Variants in KDM5A observed in about 807,000 individuals in gnomAD.
KDM5A encodes lysine-specific demethylase 5A.
A neutral mutation model predicts 193.5 loss-of-function variants in KDM5A; 42 were observed. That is an observed-to-expected ratio of 0.22 (90% CI 0.17 to 0.28). The LOEUF is 0.28. KDM5A is among the 10% of genes least tolerant of loss of function. KDM5A has a pLI of 1.00. For synonymous variants in KDM5A, 796 were observed against 718.1 expected, an observed-to-expected ratio of 1.11 and a Z score of -1.73; for missense variants, 1,692 against 2,055.1, an observed-to-expected ratio of 0.82 and a Z score of 3.42.
chr12:323,229 A>G (rs748317556), intron 15 of KDM5A, 23 bp from the exon 16 acceptor site: 20,371 of 1,494,898 alleles, frequency 0.014, 642 homozygotes, highest in South Asian at 0.12. Flanking sequence ...AAAAAAAAAA[A>G]AAAAAAAAAA....
intron 27 of KDM5A, among the ~76,000 whole-genome samples, chr12:291,335 T>C (rs866481465): frequency 2.6e-5 from 4 of 152,226 alleles, no homozygotes; most frequent in Admixed American, 6.5e-5. Flanking sequence ...CTCATTTAAA[T>C]ATGTGTCATT....
intron 24 of KDM5A, among the ~76,000 whole-genome samples, chr12:298,780 T>C (rs576478668): frequency 1.3e-5 from 2 of 152,004 alleles, no homozygotes; most frequent in South Asian, 4.1e-4. Context: ...TCTAACCCAA[T>C]ACAAGGAAGC....
intron 27 of KDM5A, among the ~76,000 whole-genome samples, chr12:287,161 G>A (rs991141325): frequency 2.6e-5 from 4 of 151,966 alleles, no homozygotes; most frequent in East Asian, 3.9e-4. Context: ...TACAACTGTC[G>A]GCAGCACTGC....
At chr12:373,396 T>C (rs1226948418) in intron 3 of KDM5A, among the ~76,000 whole-genome samples, 1 of 152,274 alleles carries the variant, frequency 6.6e-6, no homozygotes, top group Non-Finnish European at 1.5e-5. Context: ...GTTTATTCTC[T>C]GATGGTAGTT....
Position 359,828 on chromosome 12 carries a change from GGGAGGGAGGGAGGAAA to G in KDM5A, c.672+3119_672+3134del, listed in dbSNP as rs538418328. 2.5e-3 allele frequency among the ~76,000 whole-genome samples: 377 copies of G among 149,322 alleles called. 1 individual carries two copies. Among genetic ancestry groups the G allele is most frequent in the African/African-American group, 8.9e-3 (363 of 40,598 alleles). ...GAGGGAGGGAGAAGGGAGGCAAGGA[GGGAGGGAGGGAGGAAA>G]GGAGGGAGGGAGGAAACAAGGAAGG... On this transcript the variant is annotated intron_variant, in intron 5 of 27. Coordinates refer to ENST00000399788, the MANE Select transcript of KDM5A (RefSeq NM_001042603.3).
chr12:377,034 G>GAAA (rs35475782), intron 3 of KDM5A, among the ~76,000 whole-genome samples: 1 of 148,210 alleles, frequency 6.7e-6, no homozygotes, highest in Non-Finnish European at 1.5e-5. Context: ...CTAAAACAAG[G>GAAA]AAAAAAAAAA....
chr12:323,041 C>A, intron 16 of KDM5A, 41 bp downstream of exon 16: 1 of 1,611,514 alleles, frequency 6.2e-7, no homozygotes, highest in Non-Finnish European at 8.5e-7. Flanking sequence ...TTTAAAGTGA[C>A]AATCAATTCA....
In KDM5A at chr12:293,051, T is replaced by C; in HGVS notation, c.4574A>G (p.Lys1525Arg). The C allele has an allele frequency of 6.3e-7, 1 of 1,587,600 alleles. No individual in the cohort carries two copies. Among genetic ancestry groups the C allele is most frequent in the Non-Finnish European group, 8.5e-7 (1 of 1,173,092 alleles). The change falls in exon 27 of 28, where the codon AAG becomes AGG. Residue 1525 changes from lysine (K) to arginine (R), a missense_variant. Transcript: ENST00000399788. ...QLFGEGKQKS[K>R]ELKKMDKPRK... ...AGGTTTGTCCATTTTCTTTAACTCC[T>C]TGGACTTCTGTTTTCCTTCTCCAAA...
intron 10 of KDM5A, among the ~76,000 whole-genome samples, chr12:349,307 C>T (rs1337802470): frequency 4.8e-5 from 7 of 144,708 alleles, no homozygotes; most frequent in African/African-American, 1.5e-4. Flanking sequence ...GGTGTGAGCC[C>T]CCGCGCCCAG....
At chr12:353,326 C>T (rs559587181) in intron 8 of KDM5A, among the ~76,000 whole-genome samples, 51 of 152,138 alleles carry the variant, frequency 3.4e-4, no homozygotes, top group Non-Finnish European at 5.9e-4. Flanking sequence ...TGTAGACCGT[C>T]TCAAAAAAGT....
chr12:350,349 T>C (rs914991291), intron 10 of KDM5A, among the ~76,000 whole-genome samples: 2 of 150,528 alleles, frequency 1.3e-5, no homozygotes, highest in Admixed American at 6.6e-5. Context: ...GGCAAGAGAA[T>C]TGCTTGAACC....
intron 24 of KDM5A, 64 bp downstream of exon 24, chr12:306,880 CTT>C (rs35042439): frequency 8.6e-4 from 1,104 of 1,282,344 alleles, no homozygotes; most frequent in Middle Eastern, 1.6e-3. Context: ...TGTTCAATAG[CTT>C]TTTTTTTTTT....
chr12:349,083 C>T (rs1409964729), intron 10 of KDM5A, among the ~76,000 whole-genome samples: 2 of 147,566 alleles, frequency 1.4e-5, no homozygotes, highest in Non-Finnish European at 3.0e-5. Flanking sequence ...TGCAATGGCG[C>T]AATCTCGGCT....
chr12:290,527 A>G (rs983730700), intron 27 of KDM5A, among the ~76,000 whole-genome samples: 1 of 152,178 alleles, frequency 6.6e-6, no homozygotes, highest in Non-Finnish European at 1.5e-5. Flanking sequence ...TTTTGTTTAA[A>G]GATTTTGTTT....
At position 376,567 on chromosome 12, in the gene KDM5A, G is replaced by A. The variant is rs374884475; in HGVS notation, c.366+7464C>T. Reference sequence around the variant, plus strand: ...CCTCGCCCTGCTTTGGCACACGCTCGGTGGGCTGCAGCCACTGTCCTGCAC... The same window carrying A: ...CCTCGCCCTGCTTTGGCACACGCTCAGTGGGCTGCAGCCACTGTCCTGCAC... On this transcript the variant is annotated intron_variant, in intron 3 of 27. Transcript: ENST00000399788. Among the ~76,000 whole-genome samples the A allele has an allele frequency of 1.6e-4, 24 of 152,238 alleles. No homozygotes were observed. The East Asian group carries it at 1.7e-3, about 11-fold the overall frequency.
At chr12:382,549 A>G (rs1045706786) in intron 3 of KDM5A, among the ~76,000 whole-genome samples, 1 of 152,236 alleles carries the variant, frequency 6.6e-6, no homozygotes, top group Non-Finnish European at 1.5e-5. Flanking sequence ...TATAAATTAT[A>G]AGATATGAAA....
rs1944309115 is a variant in KDM5A, at chr12:362,870, A to C, written c.672+93T>G. 4 of 1,169,110 alleles carry C rather than the reference A, an allele frequency of 3.4e-6. No individual in the cohort carries two copies. In the South Asian group the frequency reaches 5.0e-5, roughly 14 times the overall value. The allele number at this position is 1,169,110 out of a possible 1,614,324, so 72.4% of individuals were successfully genotyped here. A position where few individuals can be genotyped will look rare whatever the true frequency, so the allele number is the denominator to read the frequency against. ...ATACTCAAGAGGCGGAGGCAAGAGG[A>C]TCACTTGAGCCAAGGAGTTCAAGGC... On this transcript the variant is annotated intron_variant, in intron 5 of 27. Coordinates refer to ENST00000399788, the MANE Select transcript of KDM5A (RefSeq NM_001042603.3).
At chr12:355,466 T>G (rs1207931667) in intron 6 of KDM5A, among the ~76,000 whole-genome samples, 3 of 152,192 alleles carry the variant, frequency 2.0e-5, no homozygotes, top group African/African-American at 7.2e-5. Flanking sequence ...AATTTAAGAT[T>G]CTAATCCAGT....
Position 283,739 on chromosome 12 carries a change from A to C in KDM5A, c.*1717T>G. ...TTTAAAAGGAAAACTGATGAATTTA[A>C]GTCAAACCACAGATTTTTTTAAACC... On this transcript the variant is annotated 3_prime_UTR_variant, in exon 28 of 28. Coordinates refer to ENST00000399788, the MANE Select transcript of KDM5A (RefSeq NM_001042603.3). 4.3e-6 allele frequency: 1 copy of C among 233,252 alleles called. No individual in the cohort carries two copies. Among genetic ancestry groups the C allele is most frequent in the South Asian group, 1.8e-4 (1 of 5,528 alleles). 14.4% of individuals were successfully genotyped at this position (233,252 alleles called of 1,614,324 possible).
Sources: gnomAD v4.1 joint callset for allele counts (sites outside exome capture counted in the v4.1 genomes callset) on GRCh38, gnomAD v4.1.1 for gene constraint, MANE v1.5 for transcripts, NCBI Gene and HGNC (gene_info 2026-07-23, HGNC 2026-07-21) for gene names.